Variants in GHR observed in about 807,000 individuals in gnomAD.
The protein encoded by GHR is growth hormone receptor.
GHR carries 35 observed loss-of-function variants against 67.1 expected under a neutral mutation model. The observed-to-expected ratio is 0.52, with a 90% CI of 0.40 to 0.69. The LOEUF (loss-of-function observed/expected upper bound fraction) is 0.69. Ranked by LOEUF, GHR falls within the 30% of genes least tolerant of loss-of-function variation. The pLI is 0.00. For synonymous variants in GHR, 272 were observed against 269.1 expected, an observed-to-expected ratio of 1.01 and a Z score of -0.10; for missense variants, 792 against 764.6, an observed-to-expected ratio of 1.04 and a Z score of -0.42.
At chr5:42,514,482 A>AAG (rs1251442787) in intron 1 of GHR, 1 of 218,690 alleles carries the variant, frequency 4.6e-6, no homozygotes, top group African/African-American at 2.4e-5. Context: ...TTAAAAAAAA[A>AAG]AAGAAGCTAT....
chr5:42,559,710 A>C (rs538136199), intron 1 of GHR, among the ~76,000 whole-genome samples: 34 of 152,352 alleles, frequency 2.2e-4, no homozygotes, highest in African/African-American at 8.2e-4. Flanking sequence ...AAATCTCAGC[A>C]AAAGTAGTTA....
rs186511099 is a variant in GHR at position 42,616,711 on chromosome 5, G to A, written c.71-12327G>A. Among the ~76,000 whole-genome samples the A allele has an allele frequency of 4.4e-3, 665 of 150,120 alleles. 3 individuals are homozygous for A. Among genetic ancestry groups the A allele is most frequent in the African/African-American group, 0.015 (627 of 40,988 alleles). ...AAAAAAGCTAGAATATTGGAGGGAA[G>A]AGTTTTGTAACAGGACAATATTTAT... On this transcript the variant is annotated intron_variant, in intron 2 of 9. Coordinates refer to ENST00000230882, the MANE Select transcript of GHR (RefSeq NM_000163.5).
At chr5:42,483,706 CT>C (rs543745539) in intron 1 of GHR, among the ~76,000 whole-genome samples, 181 of 152,204 alleles carry the variant, frequency 1.2e-3, no homozygotes, top group African/African-American at 4.2e-3. Context: ...TTGAGAAAAA[CT>C]TATAAAGGGA....
intron 1 of GHR, among the ~76,000 whole-genome samples, chr5:42,558,446 T>C (rs933449583): frequency 6.6e-6 from 1 of 152,198 alleles, no homozygotes; most frequent in Non-Finnish European, 1.5e-5. Flanking sequence ...ATGCTACCAG[T>C]AGAAATAAAA....
At chr5:42,568,155 G>A (rs1435274793) in intron 2 of GHR, among the ~76,000 whole-genome samples, 3 of 152,258 alleles carry the variant, frequency 2.0e-5, no homozygotes, top group African/African-American at 7.2e-5. Flanking sequence ...GCGTAGGGAA[G>A]GGTAGCACTT....
At chr5:42,464,212 T>C (rs929879647) in intron 1 of GHR, among the ~76,000 whole-genome samples, 1 of 151,988 alleles carries the variant, frequency 6.6e-6, no homozygotes, top group Non-Finnish European at 1.5e-5. Context: ...AGTGGATGTG[T>C]TTATTGAACA....
intron 2 of GHR, among the ~76,000 whole-genome samples, chr5:42,583,145 A>C (rs1751279821): frequency 6.6e-6 from 1 of 152,262 alleles, no homozygotes; most frequent in Non-Finnish European, 1.5e-5. Context: ...ATCCTGCAAC[A>C]GAATGATGCT....
In GHR at chr5:42,653,975, C is replaced by T. The variant is rs117608253; in HGVS notation, c.136+24872C>T. On this transcript the variant is annotated intron_variant, in intron 3 of 9. Coordinates refer to ENST00000230882, the MANE Select transcript of GHR (RefSeq NM_000163.5). Reference sequence around the variant, plus strand: ...AGAGTTATTTTAGTTCTATCAAATGCTCCCAGTGAGTACTGCATATTTCCT... The same window carrying T: ...AGAGTTATTTTAGTTCTATCAAATGTTCCCAGTGAGTACTGCATATTTCCT... Among the ~76,000 whole-genome samples, 3 of 152,232 alleles carry T rather than the reference C, an allele frequency of 2.0e-5. No homozygotes were observed. The East Asian group carries it at 5.8e-4, about 29-fold the overall frequency.
intron 1 of GHR, among the ~76,000 whole-genome samples, chr5:42,489,667 G>A (rs891320158): frequency 6.6e-6 from 1 of 152,184 alleles, no homozygotes; most frequent in African/African-American, 2.4e-5. Flanking sequence ...ATCATGTAGA[G>A]GGTTGCTTTA....
chr5:42,509,727 CTTT>C (rs78991290), intron 1 of GHR, among the ~76,000 whole-genome samples: 7 of 140,892 alleles, frequency 5.0e-5, no homozygotes, highest in African/African-American at 5.2e-5. Flanking sequence ...GGCCTCAAAC[CTTT>C]TTTTTTTTTT....
At chr5:42,512,871 C>A (rs1190738976) in intron 1 of GHR, among the ~76,000 whole-genome samples, 2 of 151,766 alleles carry the variant, frequency 1.3e-5, no homozygotes, top group Non-Finnish European at 2.9e-5. Context: ...TCCCTTCTAC[C>A]AGATCTGATT....
intron 3 of GHR, among the ~76,000 whole-genome samples, chr5:42,641,192 T>C (rs11952794): frequency 0.33 from 49,449 of 149,870 alleles, 9,704 homozygotes; most frequent in African/African-American, 0.55. Context: ...GAGCTAAAAG[T>C]GTACACCTTT....
chr5:42,476,622 A>C (rs920824211), intron 1 of GHR, among the ~76,000 whole-genome samples: 4 of 152,250 alleles, frequency 2.6e-5, no homozygotes, highest in Admixed American at 6.5e-5. Flanking sequence ...AAATTGTTGG[A>C]AAATGATTCT....
chr5:42,582,425 C>T (rs11740415), intron 2 of GHR, among the ~76,000 whole-genome samples: 49,431 of 152,158 alleles, frequency 0.32, 9,951 homozygotes, highest in African/African-American at 0.56. Context: ...TATCCAAACT[C>T]GGGCAGATGT....
At chr5:42,508,894 A>G (rs575053920) in intron 1 of GHR, among the ~76,000 whole-genome samples, 3 of 152,254 alleles carry the variant, frequency 2.0e-5, no homozygotes, top group Non-Finnish European at 2.9e-5. Flanking sequence ...GTTTGATGTC[A>G]CTGTTGTTTC....
intron 1 of GHR, among the ~76,000 whole-genome samples, chr5:42,475,948 A>T (rs1745289543): frequency 7.4e-6 from 1 of 135,706 alleles, no homozygotes. Context: ...CTCTGTCACC[A>T]GGCTGGAGTG....
At chr5:42,605,138 C>T (rs1488496822) in intron 2 of GHR, among the ~76,000 whole-genome samples, 1 of 129,146 alleles carries the variant, frequency 7.7e-6, no homozygotes, top group Non-Finnish European at 1.6e-5. Context: ...ACTCTTGTTG[C>T]CTAGGCTGGA....
chr5:42,492,297 G>A (rs763754156), intron 1 of GHR, among the ~76,000 whole-genome samples: 3 of 152,182 alleles, frequency 2.0e-5, no homozygotes, highest in Non-Finnish European at 4.4e-5. Flanking sequence ...ACTGAGGAAT[G>A]AGAAGATTAG....
intron 1 of GHR, among the ~76,000 whole-genome samples, chr5:42,547,181 T>G (rs948465300): frequency 6.6e-6 from 1 of 152,230 alleles, no homozygotes. Flanking sequence ...AGGGTTTGTA[T>G]GTATTACATG....
Sources: allele counts gnomAD v4.1 joint callset (sites outside exome capture counted in the v4.1 genomes callset), GRCh38; gene constraint gnomAD v4.1.1; transcripts MANE v1.5; gene names NCBI Gene and HGNC (gene_info 2026-07-23, HGNC 2026-07-21).